SCN1A: variants seen among roughly 807,000 people sequenced by gnomAD.
The protein encoded by SCN1A is sodium voltage-gated channel alpha subunit 1, also known as sodium channel protein type 1 subunit alpha.
Under a neutral mutation model 193.7 loss-of-function variants are expected in SCN1A, and 13 were observed. That is an observed-to-expected ratio of 0.07 (90% CI 0.04 to 0.11). The LOEUF (loss-of-function observed/expected upper bound fraction) is 0.11, where lower values mean the gene tolerates loss of function less well. Among genes scored for constraint, SCN1A ranks in the 10% least tolerant of loss-of-function variants. SCN1A has a pLI of 1.00. For missense variants in SCN1A, 1,432 were observed against 2,451.1 expected (o/e 0.58, Z 8.78); for synonymous variants, 781 against 843.6 (o/e 0.93, Z 1.29).
intron 13 of SCN1A, 101 bp downstream of exon 13, chr2:166,044,942 G>C: frequency 8.0e-7 from 1 of 1,247,546 alleles, no homozygotes; most frequent in Non-Finnish European, 1.2e-6. Flanking sequence ...AACAGTGGTT[G>C]ATTCAGTTGA....
chr2:165,988,338 C>A lies in SCN1A; in HGVS notation c.*2907G>T, dbSNP rs1462531952. 1 of 152,046 alleles carries A rather than the reference C, an allele frequency of 6.6e-6. No homozygotes were observed. Among genetic ancestry groups the A allele is most frequent in the African/African-American group, 2.4e-5 (1 of 41,400 alleles). The allele number at this position is 152,046 out of a possible 1,614,324, so 9.4% of individuals were successfully genotyped here. On this transcript the variant is annotated 3_prime_UTR_variant, in exon 29 of 29. Coordinates refer to ENST00000674923, the MANE Select transcript of SCN1A (RefSeq NM_001165963.4). ...CACCTTGTGTCAGCCAGGCAGGAGA[C>A]AGATGGCATGCTGAAATGAGGCATA...
At chr2:166,040,197 C>T (rs1696991560) in intron 16 of SCN1A, among the ~76,000 whole-genome samples, 1 of 152,136 alleles carries the variant, frequency 6.6e-6, no homozygotes, top group African/African-American at 2.4e-5. Context: ...GGATTACAGG[C>T]GTGAGCCACT....
chr2:166,051,680 T>A (rs751889260), intron 9 of SCN1A, 39 bp downstream of exon 9: 1 of 1,490,706 alleles, frequency 6.7e-7, no homozygotes, highest in South Asian at 1.2e-5. Flanking sequence ...ACAATCCAAT[T>A]CTACTTTTTA....
chr2:166,123,223 CAAAAAAAAAAAAAAAAAAAAAA>C (rs57488795), intron 2 of SCN1A, among the ~76,000 whole-genome samples: 93,729 of 116,628 alleles, frequency 0.8, 36,528 homozygotes, highest in Non-Finnish European at 0.85. Context: ...CATTCATTTG[CAAAAAAAAAAAAAAAAAAAAAA>C]AAAAAAAAAA....
At chr2:166,012,392 A>G in intron 21 of SCN1A, 110 bp from the exon 22 acceptor site, 1 of 829,172 alleles carries the variant, frequency 1.2e-6, no homozygotes, top group Non-Finnish European at 1.9e-6. Flanking sequence ...AGGAGGGCAG[A>G]GAAACAGTAG....
intron 18 of SCN1A, among the ~76,000 whole-genome samples, chr2:166,037,258 A>G (rs1339663771): frequency 6.6e-6 from 1 of 152,222 alleles, no homozygotes; most frequent in African/African-American, 2.4e-5. Flanking sequence ...TGCATCTGCC[A>G]TATGACATAG....
intron 2 of SCN1A, among the ~76,000 whole-genome samples, chr2:166,079,900 CTAAG>C (rs1165840176): frequency 6.6e-6 from 1 of 151,146 alleles, no homozygotes; most frequent in Non-Finnish European, 1.5e-5. Context: ...TTTTTTAACT[CTAAG>C]TAGATCTTCT....
intron 2 of SCN1A, chr2:166,126,412 C>A (rs961528773): frequency 6.8e-6 from 1 of 146,552 alleles, no homozygotes; most frequent in Non-Finnish European, 1.5e-5. Flanking sequence ...ATGTCAGATG[C>A]CCCGCGAACG....
chr2:165,986,385 A>G lies in SCN1A; in HGVS notation c.*4860T>C, dbSNP rs1443244932. On this transcript the variant is annotated 3_prime_UTR_variant, in exon 29 of 29. Coordinates refer to ENST00000674923, the MANE Select transcript of SCN1A (RefSeq NM_001165963.4). ...TCCCCAGCTTAAACAGCAAAGTGCC[A>G]CCTTCTGTTATCCAAATCAGATCTG... is the stretch of plus-strand genomic sequence containing the variant. 6.6e-6 allele frequency: 1 copy of G among 152,102 alleles called. No homozygotes were observed. Among genetic ancestry groups the G allele is most frequent in the East Asian group, 1.9e-4 (1 of 5,190 alleles). The allele number at this position is 152,102 out of a possible 1,614,324, so 9.4% of individuals were successfully genotyped here.
intron 26 of SCN1A, 59 bp from the exon 27 acceptor site, chr2:165,996,176 T>C: frequency 1.9e-6 from 2 of 1,067,610 alleles, no homozygotes; most frequent in South Asian, 1.3e-5. Flanking sequence ...TTTTTTTCAA[T>C]GTTAAAATAG....
rs370254198 is a variant in SCN1A, at chr2:166,074,133, G to A, written c.-49-463C>T. On this transcript the variant is annotated intron_variant, in intron 3 of 28. Transcript: ENST00000674923. ...ATTCCTGGCCAAGATAGTCAGGATA[G>A]TTTGCAGTGACCAACCTTAATGACC... Among the ~76,000 whole-genome samples, 8 of 152,294 alleles carry A rather than the reference G, an allele frequency of 5.3e-5. No homozygotes were observed. The South Asian group carries it at 1.2e-3, about 24-fold the overall frequency.
At chr2:166,093,179 A>T (rs1687004440) in intron 2 of SCN1A, among the ~76,000 whole-genome samples, 1 of 151,774 alleles carries the variant, frequency 6.6e-6, no homozygotes, top group African/African-American at 2.4e-5. Context: ...CAAGCAGAGG[A>T]TATCGGCCAA....
intron 25 of SCN1A, 101 bp from the exon 26 acceptor site, chr2:165,998,276 T>C (rs1690362890): frequency 5.0e-6 from 5 of 1,005,702 alleles, no homozygotes; most frequent in African/African-American, 1.7e-5. Flanking sequence ...TTCTTACTAA[T>C]ATGTCAGCAT....
At chr2:166,148,524 C>T (rs1469999127) in intron 1 of SCN1A, among the ~76,000 whole-genome samples, 5 of 152,182 alleles carry the variant, frequency 3.3e-5, no homozygotes, top group Admixed American at 2.6e-4. Flanking sequence ...TGTCGAATGG[C>T]GCTTTTGCTG....
chr2:166,037,754 C>T, intron 18 of SCN1A, 22 bp downstream of exon 18: 1 of 1,610,642 alleles, frequency 6.2e-7, no homozygotes, highest in Non-Finnish European at 8.5e-7. Flanking sequence ...TTCCAAAATG[C>T]ATATCTTAAG....
At chr2:166,038,177 CATTATATAT>C in intron 17 of SCN1A, 45 bp from the exon 18 acceptor site, 2 of 1,395,742 alleles carry the variant, frequency 1.4e-6, no homozygotes, top group Non-Finnish European at 2.0e-6. Context: ...TTCTTAAAAG[CATTATATAT>C]ATTGAGCTTT....
At chr2:166,047,886 A>G in intron 10 of SCN1A, 118 bp from the exon 11 acceptor site, 2 of 1,346,456 alleles carry the variant, frequency 1.5e-6, no homozygotes, top group Admixed American at 1.7e-5. Context: ...AGTTTGACAA[A>G]TAAGTAACTA....
At chr2:166,091,167 G>C (rs1686760624) in intron 2 of SCN1A, among the ~76,000 whole-genome samples, 1 of 152,216 alleles carries the variant, frequency 6.6e-6, no homozygotes, top group Non-Finnish European at 1.5e-5. Context: ...GTAGGGAGAT[G>C]CTGCAGAGAG....
intron 15 of SCN1A, 53 bp from the exon 16 acceptor site, chr2:166,041,522 A>ATTT: frequency 8.7e-7 from 1 of 1,147,792 alleles, no homozygotes; most frequent in East Asian, 2.3e-5. Flanking sequence ...CTTTATACAC[A>ATTT]CACATTTATT....
Sources: allele counts gnomAD v4.1 joint callset (sites outside exome capture counted in the v4.1 genomes callset), GRCh38; gene constraint gnomAD v4.1.1; transcripts MANE v1.5; gene names NCBI Gene and HGNC (gene_info 2026-07-23, HGNC 2026-07-21).